The following MTRES1 variants were observed in gnomAD, a reference collection of about 807,000 sequenced individuals.
The protein encoded by MTRES1 is uncharacterized protein C6orf203.
In MTRES1, 11 loss-of-function variants were observed where a neutral mutation model predicts 17.4. The ratio of observed to expected loss-of-function variants is 0.63; its 90% confidence interval spans 0.40 to 1.05. The LOEUF is 1.05. MTRES1 is among the 50% of genes least tolerant of loss of function. The pLI is 0.00. For missense variants in MTRES1, 268 were observed against 276.2 expected (o/e 0.97, Z 0.21); for synonymous variants, 94 against 99.6 (o/e 0.94, Z 0.34).
intron 3 of MTRES1, among the ~76,000 whole-genome samples, chr6:107,045,032 C>T (rs1421640167): frequency 6.6e-6 from 1 of 151,758 alleles, no homozygotes; most frequent in Non-Finnish European, 1.5e-5. Flanking sequence ...ACAAAAAATA[C>T]AAAAAATTAG....
Position 107,036,570 on chromosome 6 carries a change from G to A in MTRES1, c.-12-3179G>A, listed in dbSNP as rs534991546. ...AAAAGTTGTTTAATTCTGGCTGGGT[G>A]CGGTGACTCACGCCTCTAATCCCAG... On this transcript the variant is annotated intron_variant, in intron 1 of 3. Coordinates refer to ENST00000311381, the MANE Select transcript of MTRES1 (RefSeq NM_016487.5). Among the ~76,000 whole-genome samples the A allele has an allele frequency of 1.2e-3, 179 of 151,756 alleles. 1 individual carries two copies. Among genetic ancestry groups the A allele is most frequent in the Non-Finnish European group, 1.6e-3 (109 of 67,924 alleles).
chr6:107,029,744 C>A (rs1665923), intron 1 of MTRES1, among the ~76,000 whole-genome samples: 143,414 of 152,118 alleles, frequency 0.94, 67,833 homozygotes, highest in East Asian at 1. Context: ...TCAGCCTCCC[C>A]AAGTACTGGA....
intron 1 of MTRES1, among the ~76,000 whole-genome samples, chr6:107,038,303 A>C (rs539113938): frequency 6.6e-6 from 1 of 152,328 alleles, no homozygotes; most frequent in South Asian, 2.1e-4. Flanking sequence ...CTCACGGTAC[A>C]AGGATGTTAA....
rs1367322880 is a variant in MTRES1, at chr6:107,046,930, T to TTTTGTGTGTGTG, written c.543+2599_543+2600insTTGTGTGTGTGT. On this transcript the variant is annotated intron_variant, in intron 3 of 3. Coordinates refer to ENST00000311381, the MANE Select transcript of MTRES1 (RefSeq NM_016487.5). ...AAGGAAGCTCCAAAGGGATTCATTC[T>TTTTGTGTGTGTG]TGTGTGTGTGTGTGTGTGTGTGTGT... Among the ~76,000 whole-genome samples the TTTTGTGTGTGTG allele has an allele frequency of 9.7e-3, 320 of 33,002 alleles. 6 individuals carry two copies. Among genetic ancestry groups the TTTTGTGTGTGTG allele is most frequent in the East Asian group, 0.032 (86 of 2,712 alleles). 21.7% of individuals were successfully genotyped at this position (33,002 alleles called of 152,430 possible).
At chr6:107,043,151 G>A (rs1187004627) in intron 2 of MTRES1, among the ~76,000 whole-genome samples, 2 of 152,016 alleles carry the variant, frequency 1.3e-5, no homozygotes, top group Non-Finnish European at 2.9e-5. Context: ...CTAACATGGT[G>A]AAACCCCGTC....
intron 1 of MTRES1, among the ~76,000 whole-genome samples, chr6:107,037,098 A>AT (rs1406179038): frequency 2.0e-5 from 3 of 151,734 alleles, no homozygotes; most frequent in Non-Finnish European, 2.9e-5. Flanking sequence ...TTAAAAAAAA[A>AT]GTTTTTTTAA....
intron 1 of MTRES1, among the ~76,000 whole-genome samples, chr6:107,034,814 C>T (rs1299581006): frequency 1.3e-5 from 2 of 152,028 alleles, no homozygotes; most frequent in Admixed American, 6.6e-5. Flanking sequence ...ATGGAGAAAC[C>T]CCGTCTCTAC....
rs191076143 is a variant in MTRES1, at chr6:107,041,589, G to A, written c.470+1359G>A. The stretch of plus-strand genomic sequence containing the variant: ...TGCCCAGGCTGGAGTGCCATGGCAC[G>A]ATCTCGGCTCACTGCAAGCTCCGCC... On this transcript the variant is annotated intron_variant, in intron 2 of 3. Coordinates refer to ENST00000311381, the MANE Select transcript of MTRES1 (RefSeq NM_016487.5). Among the ~76,000 whole-genome samples the A allele has an allele frequency of 3.0e-3, 460 of 152,074 alleles. 3 individuals carry two copies. The highest frequency in any genetic ancestry group is 4.3e-3 in the Non-Finnish European group (291 of 67,992).
At chr6:107,043,999 T>G (rs1422846834) in intron 2 of MTRES1, among the ~76,000 whole-genome samples, 1 of 152,140 alleles carries the variant, frequency 6.6e-6, no homozygotes, top group African/African-American at 2.4e-5. Context: ...GATGTGTGCC[T>G]GTAGTCCCAG....
At position 107,051,312 on chromosome 6, in the gene MTRES1, TTAAAA is replaced by T; in HGVS notation, c.*81_*85del. On this transcript the variant is annotated 3_prime_UTR_variant, in exon 4 of 4. Transcript: ENST00000311381. The stretch of plus-strand genomic sequence containing the variant: ...TCACCTGAAAAATAGGACATTTTTA[TTAAAA>T]TAAAGTTCTCTTAGCGTTTGTGGAA... 3 of 1,287,366 alleles carry T rather than the reference TTAAAA, an allele frequency of 2.3e-6. No homozygotes were observed. Among genetic ancestry groups the T allele is most frequent in the South Asian group, 2.9e-5 (2 of 69,910 alleles). The allele number at this position is 1,287,366 out of a possible 1,614,324, so 79.7% of individuals were successfully genotyped here. A position where few individuals can be genotyped will look rare whatever the true frequency, so the allele number is the denominator to read the frequency against.
At chr6:107,046,344 C>G (rs1190614082) in intron 3 of MTRES1, among the ~76,000 whole-genome samples, 1 of 150,120 alleles carries the variant, frequency 6.7e-6, no homozygotes, top group African/African-American at 2.5e-5. Context: ...CCCACCCGCC[C>G]CCGTTTTGTG....
Position 107,039,831 on chromosome 6 carries a change from GT to G in MTRES1, c.72del (p.Val25PhefsTer41). 1 of 1,614,072 alleles carries G rather than the reference GT, an allele frequency of 6.2e-7. No homozygotes were observed. The highest frequency in any genetic ancestry group is 8.5e-7 in the Non-Finnish European group (1 of 1,179,974). On this transcript the variant is annotated frameshift_variant, in exon 2 of 4. Coordinates refer to ENST00000311381, the MANE Select transcript of MTRES1 (RefSeq NM_016487.5). LOFTEE classifies it high-confidence loss of function. ...CCAGATGCCTGGATTGGACTCTGGG[GT>G]GTTCTCCGAGGGACACCTTCATCAT... is the stretch of plus-strand genomic sequence containing the variant. Reference protein sequence around the residue: ...RKPDAWIGLWGVLRGTPSSYK... With the variant: ...RKPDAWIGLWXVLRGTPSSYK...
intron 1 of MTRES1, among the ~76,000 whole-genome samples, chr6:107,029,672 C>T (rs1186760838): frequency 6.6e-6 from 1 of 151,536 alleles, no homozygotes; most frequent in Non-Finnish European, 1.5e-5. Flanking sequence ...TTAGTAGAGA[C>T]GAGGTTTCAC....
intron 1 of MTRES1, among the ~76,000 whole-genome samples, chr6:107,039,205 C>G (rs1223079439): frequency 6.6e-6 from 1 of 152,132 alleles, no homozygotes; most frequent in Non-Finnish European, 1.5e-5. Context: ...TTGGACCTTC[C>G]TGACAATCCT....
chr6:107,039,107 T>C (rs1436831745), intron 1 of MTRES1, among the ~76,000 whole-genome samples: 1 of 152,084 alleles, frequency 6.6e-6, no homozygotes. Context: ...CTATTGTTAG[T>C]ATTTTTTTTA....
intron 3 of MTRES1, among the ~76,000 whole-genome samples, chr6:107,046,383 T>A (rs1774390912): frequency 7.3e-6 from 1 of 136,904 alleles, no homozygotes; most frequent in African/African-American, 2.7e-5. Context: ...TAATTGCTGC[T>A]GCTTCATTCT....
chr6:107,037,071 G>A (rs1239273833), intron 1 of MTRES1, among the ~76,000 whole-genome samples: 8 of 150,786 alleles, frequency 5.3e-5, no homozygotes, highest in South Asian at 2.1e-4. Flanking sequence ...GAGCCACTGC[G>A]CCTAGCCTAG....
intron 2 of MTRES1, among the ~76,000 whole-genome samples, chr6:107,043,181 A>G (rs1554227970): frequency 6.6e-6 from 1 of 152,072 alleles, no homozygotes; most frequent in African/African-American, 2.4e-5. Flanking sequence ...AATACAAAAA[A>G]AAATTACCCA....
intron 3 of MTRES1, among the ~76,000 whole-genome samples, chr6:107,048,507 C>T (rs765100287): frequency 2.0e-5 from 3 of 151,208 alleles, no homozygotes; most frequent in African/African-American, 4.9e-5. Context: ...CAGGGTTGGG[C>T]GCGGTGGCTC....
Sources: gnomAD v4.1 joint callset for allele counts (sites outside exome capture counted in the v4.1 genomes callset) on GRCh38, gnomAD v4.1.1 for gene constraint, MANE v1.5 for transcripts, NCBI Gene and HGNC (gene_info 2026-07-23, HGNC 2026-07-21) for gene names.